KMT2C: variants seen among roughly 807,000 people sequenced by gnomAD.
KMT2C encodes the protein histone-lysine N-methyltransferase 2C.
In KMT2C, 88 loss-of-function variants were observed where a neutral mutation model predicts 507.9. The ratio of observed to expected loss-of-function variants is 0.17; its 90% CI spans 0.15 to 0.21. The LOEUF (loss-of-function observed/expected upper bound fraction) is 0.21. Ranked by LOEUF, KMT2C falls within the 10% of genes least tolerant of loss-of-function variation. The pLI is 1.00. For synonymous variants in KMT2C, 2,049 were observed against 2,080.8 expected (o/e 0.98, Z 0.42); for missense variants, 4,954 against 5,957.8 (o/e 0.83, Z 5.55).
At chr7:152,428,934 G>A (rs1249143844) in intron 1 of KMT2C, among the ~76,000 whole-genome samples, 3 of 152,128 alleles carry the variant, frequency 2.0e-5, no homozygotes, top group Non-Finnish European at 4.4e-5. Context: ...AAACTCATGA[G>A]TCTGGCATTC....
At chr7:152,257,194 C>T (rs2095674794) in intron 9 of KMT2C, among the ~76,000 whole-genome samples, 3 of 152,160 alleles carry the variant, frequency 2.0e-5, no homozygotes, top group Admixed American at 6.5e-5. Context: ...AATGAGATCT[C>T]TTGAACTTGC....
At chr7:152,317,770 T>G (rs1400041511) in intron 3 of KMT2C, among the ~76,000 whole-genome samples, 1 of 151,450 alleles carries the variant, frequency 6.6e-6, no homozygotes, top group Non-Finnish European at 1.5e-5. Context: ...CTTTGGGAGG[T>G]CAAGGCAGGA....
chr7:152,376,596 C>A (rs1193065662), intron 1 of KMT2C, among the ~76,000 whole-genome samples: 4 of 152,164 alleles, frequency 2.6e-5, no homozygotes, highest in Non-Finnish European at 5.9e-5. Context: ...TAATCCACAG[C>A]AAGGCTCTAA....
Position 152,151,484 on chromosome 7 carries a change from A to T in KMT2C, c.12624T>A (p.Ser4208Arg), listed in dbSNP as rs1352976610. Residue 4208 changes from serine (S) to arginine (R), a missense_variant, in exon 50 of 59, where the codon AGT (serine) becomes AGA (arginine). Coordinates refer to ENST00000262189, the MANE Select transcript of KMT2C (RefSeq NM_170606.3). ...GATCTTTGAAAGATTTCCGCACACC[A>T]CTTCCAAGAATAACCACTTTACAAT... ...CCHCKVVILG[S>R]GVRKSFKDLT... 6.2e-7 allele frequency: 1 copy of T among 1,614,052 alleles called. No homozygotes were observed. The highest frequency in any genetic ancestry group is 8.5e-7 in the Non-Finnish European group (1 of 1,180,020).
chr7:152,242,547 C>A (rs1459248389), intron 14 of KMT2C, among the ~76,000 whole-genome samples: 2 of 152,090 alleles, frequency 1.3e-5, no homozygotes, highest in Admixed American at 6.5e-5. Flanking sequence ...CTGGCAGGGA[C>A]TGAATTTGAA....
rs182186018 is a variant in KMT2C, at chr7:152,280,358, C to T, written c.850-6491G>A. On this transcript the variant is annotated intron_variant, in intron 6 of 58. Transcript: ENST00000262189. Reference sequence around the variant, plus strand: ...GAGATCAAGACCATCCTGGCTAACACGGTAAAACCCCGTCTCTACTAAAAA... The same window carrying T: ...GAGATCAAGACCATCCTGGCTAACATGGTAAAACCCCGTCTCTACTAAAAA... 6.1e-4 allele frequency among the ~76,000 whole-genome samples: 92 copies of T among 151,382 alleles called. 1 individual carries two copies. The South Asian group carries it at 0.016, about 27-fold the overall frequency.
chr7:152,399,652 G>A (rs7791144), intron 1 of KMT2C, among the ~76,000 whole-genome samples: 5,798 of 151,604 alleles, frequency 0.038, 393 homozygotes, highest in African/African-American at 0.13. Flanking sequence ...CAGATATTTG[G>A]TTAAAAGCCT....
chr7:152,398,920 T>G (rs1408084341), intron 1 of KMT2C, among the ~76,000 whole-genome samples: 1 of 152,114 alleles, frequency 6.6e-6, no homozygotes, highest in Non-Finnish European at 1.5e-5. Context: ...CTCCACCTCC[T>G]GGGCTCAAGG....
At position 152,230,266 on chromosome 7, in the gene KMT2C, T is replaced by C. The variant is rs3951753; in HGVS notation, c.2825A>G (p.Asn942Ser). 1 of 1,605,848 alleles carries C rather than the reference T, an allele frequency of 6.2e-7. No homozygotes were observed. The highest frequency in any genetic ancestry group is 1.1e-5 in the South Asian group (1 of 89,798). Residue 942 changes from asparagine to serine, a missense_variant, in exon 17 of 59, where the codon AAT becomes AGT. Physicochemically the swap from Asn to Ser is conservative, Grantham distance 46 (BLOSUM62 1). Coordinates refer to ENST00000262189, the MANE Select transcript of KMT2C (RefSeq NM_170606.3). ...ACTGCTAGAAAACAACACAACTGTA[T>C]TGTGCATAGAGTTTTCTTCATCATC... The part of the protein sequence containing the change: ...NKDDEENSMH[N>S]TVVLFSSSDK...
intron 7 of KMT2C, among the ~76,000 whole-genome samples, chr7:152,270,722 T>C (rs1426763745): frequency 6.6e-6 from 1 of 152,196 alleles, no homozygotes; most frequent in Non-Finnish European, 1.5e-5. Flanking sequence ...TGGTTGTATC[T>C]ACTAGATGGA....
At chr7:152,243,002 C>T (rs2095412627) in intron 14 of KMT2C, among the ~76,000 whole-genome samples, 1 of 152,108 alleles carries the variant, frequency 6.6e-6, no homozygotes, top group Admixed American at 6.6e-5. Context: ...GTAAAAGAAA[C>T]AAAAGAGTTT....
chr7:152,352,632 G>T (rs1005828490), intron 2 of KMT2C, among the ~76,000 whole-genome samples: 1 of 152,184 alleles, frequency 6.6e-6, no homozygotes, highest in Non-Finnish European at 1.5e-5. Context: ...AAATAGAAAA[G>T]AACCTACGTG....
At chr7:152,290,294 A>ATATT (rs1563743352) in intron 6 of KMT2C, among the ~76,000 whole-genome samples, 4 of 21,422 alleles carry the variant, frequency 1.9e-4, no homozygotes, top group Non-Finnish European at 3.1e-4. Flanking sequence ...ATATATATAT[A>ATATT]TTTTTTTTTT....
At chr7:152,357,671 T>G (rs1030216173) in intron 2 of KMT2C, among the ~76,000 whole-genome samples, 2 of 152,032 alleles carry the variant, frequency 1.3e-5, no homozygotes, top group African/African-American at 4.8e-5. Context: ...AATTCATGAA[T>G]GTGCACAAAA....
At chr7:152,318,650 A>G in intron 3 of KMT2C, among the ~76,000 whole-genome samples, 1 of 133,178 alleles carries the variant, frequency 7.5e-6, no homozygotes, top group South Asian at 2.3e-4. Flanking sequence ...AAAAAAAAAT[A>G]GGTGCAAAAA....
chr7:152,409,563 CAA>C (rs367688749), intron 1 of KMT2C, among the ~76,000 whole-genome samples: 394 of 96,228 alleles, frequency 4.1e-3, no homozygotes, highest in South Asian at 6.4e-3. Context: ...GCTAAAAATA[CAA>C]AAAAAAAAAA....
intron 2 of KMT2C, among the ~76,000 whole-genome samples, chr7:152,336,368 C>A (rs189936913): frequency 6.6e-6 from 1 of 152,070 alleles, no homozygotes; most frequent in Non-Finnish European, 1.5e-5. Context: ...TTCTCCTAAT[C>A]CTAGTCTTCA....
chr7:152,245,945 A>T (rs1419403643), intron 14 of KMT2C, among the ~76,000 whole-genome samples: 1 of 152,202 alleles, frequency 6.6e-6, no homozygotes, highest in Non-Finnish European at 1.5e-5. Context: ...AGCTTATTTT[A>T]CAGCCAATCC....
Position 152,181,967 on chromosome 7 carries a change from T to G in KMT2C, c.5893A>C (p.Lys1965Gln), listed in dbSNP as rs760606268. 2 of 1,614,212 alleles carry G rather than the reference T, an allele frequency of 1.2e-6. No homozygotes were observed. The highest frequency in any genetic ancestry group is 2.2e-5 in the South Asian group (2 of 91,082). Residue 1965 changes from lysine (K) to glutamine (Q), a missense_variant, in exon 36 of 59, where the codon AAA (lysine) becomes CAA (glutamine). Lys to Gln is a moderately conservative substitution (Grantham distance 53). Transcript: ENST00000262189. ...ACAGGCCTAGGTGTGTCTGGAGGTT[T>G]TGCATAGGGGTCATTATTTGTCGTG... ...SSTTNNDPYA[K>Q]PPDTPRPVMT... is the part of the protein sequence containing the mutation.
Sources: allele counts gnomAD v4.1 joint callset (sites outside exome capture counted in the v4.1 genomes callset), GRCh38; gene constraint gnomAD v4.1.1; transcripts MANE v1.5; gene names NCBI Gene and HGNC (gene_info 2026-07-23, HGNC 2026-07-21).